PTPRD: variants seen among roughly 807,000 people sequenced by gnomAD.
The protein encoded by PTPRD is protein tyrosine phosphatase receptor type D, also known as receptor-type tyrosine-protein phosphatase delta.
PTPRD carries 34 observed loss-of-function variants against 214.5 expected under a neutral mutation model. That is an observed-to-expected ratio of 0.16 (90% confidence interval 0.12 to 0.21). The LOEUF (loss-of-function observed/expected upper bound fraction) is 0.21. Among genes scored for constraint, PTPRD ranks in the 10% least tolerant of loss-of-function variants. PTPRD has a pLI of 1.00. For missense variants in PTPRD, 2,545 were observed against 2,398.7 expected (o/e 1.06, Z -1.27); for synonymous variants, 1,128 against 845.7 (o/e 1.33, Z -5.79).
chr9:9,013,113 T>A (rs539647169), intron 11 of PTPRD, among the ~76,000 whole-genome samples: 288 of 152,310 alleles, frequency 1.9e-3, no homozygotes, highest in African/African-American at 5.2e-3. Context: ...GCACCAATGC[T>A]ATTTGAAAAT....
chr9:9,530,253 C>A (rs1426397560), intron 8 of PTPRD, among the ~76,000 whole-genome samples: 3 of 151,946 alleles, frequency 2.0e-5, no homozygotes, highest in African/African-American at 4.8e-5. Flanking sequence ...GAAACACTTT[C>A]CAGACAGAAG....
At chr9:9,893,239 T>C (rs1331440744) in intron 5 of PTPRD, among the ~76,000 whole-genome samples, 1 of 152,022 alleles carries the variant, frequency 6.6e-6, no homozygotes, top group East Asian at 1.9e-4. Context: ...AATAAGCAGC[T>C]AGTATCATGA....
At chr9:8,774,184 T>C (rs2095361722) in intron 11 of PTPRD, among the ~76,000 whole-genome samples, 1 of 152,192 alleles carries the variant, frequency 6.6e-6, no homozygotes, top group Non-Finnish European at 1.5e-5. Context: ...ACAGGATAAA[T>C]ATATCTTAAC....
At chr9:9,548,060 T>G (rs1183118687) in intron 8 of PTPRD, among the ~76,000 whole-genome samples, 1 of 151,926 alleles carries the variant, frequency 6.6e-6, no homozygotes, top group Non-Finnish European at 1.5e-5. Context: ...CCAGCTAAAA[T>G]GAAGTTGAAA....
intron 9 of PTPRD, among the ~76,000 whole-genome samples, chr9:9,327,666 A>G (rs776661655): frequency 5.9e-5 from 9 of 152,056 alleles, no homozygotes; most frequent in Non-Finnish European, 1.2e-4. Flanking sequence ...GGGAAATAAT[A>G]ACAATAATAA....
chr9:8,451,277 C>T (rs544382815), intron 33 of PTPRD, among the ~76,000 whole-genome samples: 14 of 152,094 alleles, frequency 9.2e-5, no homozygotes, highest in Non-Finnish European at 1.8e-4. Flanking sequence ...CTTAGATTAA[C>T]CTGTCTGAGG....
At chr9:9,171,447 T>C (rs1458265501) in intron 10 of PTPRD, among the ~76,000 whole-genome samples, 4 of 151,550 alleles carry the variant, frequency 2.6e-5, no homozygotes, top group African/African-American at 9.7e-5. Context: ...AAGGAGCTTT[T>C]CTTCTTCAAG....
intron 35 of PTPRD, among the ~76,000 whole-genome samples, chr9:8,435,295 C>T (rs2095296991): frequency 6.6e-6 from 1 of 152,158 alleles, no homozygotes; most frequent in East Asian, 1.9e-4. Flanking sequence ...TTTGTGACCC[C>T]TCTAAGCCAC....
At chr9:8,890,684 C>G (rs1250230733) in intron 11 of PTPRD, among the ~76,000 whole-genome samples, 4 of 152,292 alleles carry the variant, frequency 2.6e-5, no homozygotes. Context: ...GTATATTTTA[C>G]TTTTCTCTCC....
chr9:9,351,633 C>T (rs542892855), intron 9 of PTPRD, among the ~76,000 whole-genome samples: 4 of 152,082 alleles, frequency 2.6e-5, no homozygotes, highest in South Asian at 4.1e-4. Flanking sequence ...TGGAAAGATA[C>T]ACATGTTAGC....
At chr9:9,983,415 A>C (rs1209655249) in intron 4 of PTPRD, among the ~76,000 whole-genome samples, 6 of 152,266 alleles carry the variant, frequency 3.9e-5, no homozygotes, top group Admixed American at 1.3e-4. Flanking sequence ...TGGGAAAAAC[A>C]GAACAAACAC....
chr9:10,482,380 ATAAATAAATAAG>A (rs1233615856), intron 2 of PTPRD, among the ~76,000 whole-genome samples: 3 of 151,982 alleles, frequency 2.0e-5, no homozygotes, highest in South Asian at 2.1e-4. Flanking sequence ...CAATAAATAA[ATAAATAAATAAG>A]TAAATAAATA....
At chr9:9,752,790 T>C (rs1367342464) in intron 6 of PTPRD, among the ~76,000 whole-genome samples, 1 of 152,030 alleles carries the variant, frequency 6.6e-6, no homozygotes, top group African/African-American at 2.4e-5. Context: ...CCATTAAATA[T>C]GGCCTGGCAC....
At chr9:9,170,497 C>A (rs1006590800) in intron 10 of PTPRD, among the ~76,000 whole-genome samples, 1 of 152,140 alleles carries the variant, frequency 6.6e-6, no homozygotes, top group South Asian at 2.1e-4. Flanking sequence ...CTAATAGCTG[C>A]GAGTGTTACT....
intron 3 of PTPRD, among the ~76,000 whole-genome samples, chr9:10,079,817 T>C (rs531621975): frequency 6.4e-4 from 97 of 152,218 alleles, no homozygotes; most frequent in African/African-American, 2.2e-3. Flanking sequence ...GCAAAATAGG[T>C]CTATTGTCAC....
chr9:10,449,566 C>T (rs918121732), intron 2 of PTPRD, among the ~76,000 whole-genome samples: 1 of 151,350 alleles, frequency 6.6e-6, no homozygotes, highest in African/African-American at 2.4e-5. Context: ...GCGTCTCTGC[C>T]CGGCCGCCAT....
chr9:10,594,104 T>C (rs189628269), intron 2 of PTPRD, among the ~76,000 whole-genome samples: 1 of 152,136 alleles, frequency 6.6e-6, no homozygotes, highest in East Asian at 1.9e-4. Context: ...TTATTTCAGT[T>C]GCTTTCCCCT....
In PTPRD at chr9:10,262,093, A is replaced by C. The variant is rs1053512483; in HGVS notation, c.-545+78870T>G. ...CCAGGTCACCTATTACATGCATATTAAACCATTTAATTGACAAATGAAGCT... is the reference window on the plus strand; with the variant it reads ...CCAGGTCACCTATTACATGCATATTCAACCATTTAATTGACAAATGAAGCT... On this transcript the variant is annotated intron_variant, in intron 3 of 45. Transcript: ENST00000381196. Among the ~76,000 whole-genome samples, 5 of 152,172 alleles carry C rather than the reference A, an allele frequency of 3.3e-5. No individual in the cohort carries two copies. The East Asian group carries it at 9.6e-4, about 29-fold the overall frequency.
chr9:8,771,041 C>T (rs575878194), intron 11 of PTPRD, among the ~76,000 whole-genome samples: 7 of 151,878 alleles, frequency 4.6e-5, no homozygotes, highest in Admixed American at 3.3e-4. Context: ...ATTAGCCGGG[C>T]GTGGTGGCGG....
Sources: allele counts gnomAD v4.1 joint callset (sites outside exome capture counted in the v4.1 genomes callset), GRCh38; gene constraint gnomAD v4.1.1; transcripts MANE v1.5; gene names NCBI Gene and HGNC (gene_info 2026-07-23, HGNC 2026-07-21).